Variants in DNAJC17 observed in about 807,000 individuals in gnomAD.
The protein encoded by DNAJC17 is dnaJ homolog subfamily C member 17.
DNAJC17 carries 35 observed loss-of-function variants against 48.1 expected under a neutral mutation model. The ratio of observed to expected loss-of-function variants is 0.73; its 90% CI spans 0.56 to 0.96. The LOEUF (loss-of-function observed/expected upper bound fraction) is 0.96, where lower values mean the gene tolerates loss of function less well. Among genes scored for constraint, DNAJC17 ranks in the 50% least tolerant of loss-of-function variants. The pLI, the probability that DNAJC17 is intolerant of heterozygous loss-of-function variation, is 0.00. For synonymous variants in DNAJC17, 117 were observed against 142.7 expected, an observed-to-expected ratio of 0.82 and a Z score of 1.28; for missense variants, 355 against 377.1, an observed-to-expected ratio of 0.94 and a Z score of 0.48.
Position 40,778,885 on chromosome 15 carries a change from G to A in DNAJC17, c.295+338C>T, listed in dbSNP as rs144994305. ...GAGGGTGGGGGTTGCAGTGAGCCGA[G>A]ATCATGCCACTGCGCTCCAGCCTAG... On this transcript the variant is annotated intron_variant, in intron 4 of 10. Coordinates refer to ENST00000220496, the MANE Select transcript of DNAJC17 (RefSeq NM_018163.3). Among the ~76,000 whole-genome samples the A allele has an allele frequency of 9.7e-3, 1,472 of 152,292 alleles. 28 individuals carry two copies. Among genetic ancestry groups the A allele is most frequent in the African/African-American group, 0.031 (1,304 of 41,548 alleles).
chr15:40,771,003 C>T, intron 10 of DNAJC17: 1 of 1,550,766 alleles, frequency 6.4e-7, no homozygotes, highest in African/African-American at 1.4e-5. Context: ...GGAGCAGTTT[C>T]CTAGCGAGCC....
chr15:40,772,684 C>T (rs939700952), intron 10 of DNAJC17, among the ~76,000 whole-genome samples: 2 of 152,192 alleles, frequency 1.3e-5, no homozygotes, highest in Non-Finnish European at 2.9e-5. Flanking sequence ...TGCTGAGGGG[C>T]TGTGGACACA....
At chr15:40,786,369 G>T (rs1889640963) in intron 1 of DNAJC17, among the ~76,000 whole-genome samples, 1 of 152,204 alleles carries the variant, frequency 6.6e-6, no homozygotes, top group Non-Finnish European at 1.5e-5. Flanking sequence ...AGCTCCTCCA[G>T]AAACTGACTC....
chr15:40,767,392 G>A lies in DNAJC17; in HGVS notation c.*548C>T. On this transcript the variant is annotated 3_prime_UTR_variant, in exon 11 of 11. Transcript: ENST00000220496. ...GCAGACGGGGCACCCCTGTGGAGGG[G>A]CTGCTGTGGGCCCTGACCTCCAAGC... is the stretch of plus-strand genomic sequence containing the variant. 1 of 1,554,170 alleles carries A rather than the reference G, an allele frequency of 6.4e-7. No individual in the cohort carries two copies. The highest frequency in any genetic ancestry group is 8.7e-7 in the Non-Finnish European group (1 of 1,151,524).
At chr15:40,800,124 G>A (rs1008828199) in intron 1 of DNAJC17, among the ~76,000 whole-genome samples, 3 of 152,192 alleles carry the variant, frequency 2.0e-5, no homozygotes, top group African/African-American at 4.8e-5. Context: ...CCAGCCTGGA[G>A]TGCAGTGGCA....
intron 1 of DNAJC17, among the ~76,000 whole-genome samples, chr15:40,780,926 C>A (rs1889469180): frequency 6.6e-6 from 1 of 151,920 alleles, no homozygotes; most frequent in Admixed American, 6.6e-5. Flanking sequence ...GCGGGTGGAT[C>A]ACTTGAGGTC....
At chr15:40,780,939 G>C (rs2141952742) in intron 1 of DNAJC17, among the ~76,000 whole-genome samples, 1 of 151,976 alleles carries the variant, frequency 6.6e-6, no homozygotes, top group East Asian at 1.9e-4. Flanking sequence ...TTGAGGTCAG[G>C]AGTAGGAGAC....
In DNAJC17 at chr15:40,795,595, T is replaced by C. The variant is rs547866394; in HGVS notation, c.78+11774A>G. On this transcript the variant is annotated intron_variant, in intron 1 of 10. Transcript: ENST00000220496. ...CCAGGCAGAACACTATCAAGTTTAA[T>C]TTAATAAAGGTTCAGTGTGGGCTGG... is the stretch of plus-strand genomic sequence containing the variant. 2.0e-5 allele frequency among the ~76,000 whole-genome samples: 3 copies of C among 152,186 alleles called. No homozygotes were observed. In the East Asian group the frequency reaches 5.8e-4, roughly 29 times the overall value.
chr15:40,776,559 T>C lies in DNAJC17; in HGVS notation c.364A>G (p.Arg122Gly). 1.9e-6 allele frequency: 3 copies of C among 1,614,064 alleles called. No homozygotes were observed. Among genetic ancestry groups the C allele is most frequent in the South Asian group, 1.1e-5 (1 of 91,088 alleles). Reference sequence around the variant, plus strand: ...GTGCTCACCTCTTGCTCTAGTGTCCTGGTGCTCCGGCTCTCCTCTTCCTCC... The same window carrying C: ...GTGCTCACCTCTTGCTCTAGTGTCCCGGTGCTCCGGCTCTCCTCTTCCTCC... ...SEEEEESRST[R>G]TLEQEIERLR... The change falls in exon 5 of 11, where the codon AGG becomes GGG. Residue 122 changes from arginine (R) to glycine (G), a missense_variant. Coordinates refer to ENST00000220496, the MANE Select transcript of DNAJC17 (RefSeq NM_018163.3).
rs534644057 is a variant in DNAJC17, at chr15:40,769,587, C to T, written c.793-1525G>A. 5.3e-4 allele frequency among the ~76,000 whole-genome samples: 80 copies of T among 152,246 alleles called. No individual in the cohort carries two copies. The highest frequency in any genetic ancestry group is 9.8e-4 in the Non-Finnish European group (67 of 68,034). ...CCCTCTGCCCCCCTTCCTGTTCCTG[C>T]TCGTGAGGGCCTGACAGCGGGGCTG... On this transcript the variant is annotated intron_variant, in intron 10 of 10. Coordinates refer to ENST00000220496, the MANE Select transcript of DNAJC17 (RefSeq NM_018163.3). This position sits in a 1 kb window ranked among gnomAD's most constrained non-coding sequence, Gnocchi z 4.2.
rs1888968348 is a variant in DNAJC17 at position 40,767,202 on chromosome 15, C to A, written c.*738G>T. On this transcript the variant is annotated 3_prime_UTR_variant, in exon 11 of 11. Transcript: ENST00000220496. ...GAGCTTGCTGTGTGCCCCTCCTCAC[C>A]CCCCCCATCCTGTCTCTTTGCAGTT... 1 of 1,470,444 alleles carries A rather than the reference C, an allele frequency of 6.8e-7. No homozygotes were observed. The highest frequency in any genetic ancestry group is 2.7e-5 in the East Asian group (1 of 37,510). The allele number at this position is 1,470,444 out of a possible 1,614,324, so 91.1% of individuals were successfully genotyped here.
At chr15:40,780,504 C>A (rs1596082319) in intron 1 of DNAJC17, 1 of 368,354 alleles carries the variant, frequency 2.7e-6, no homozygotes, top group African/African-American at 2.1e-5. Flanking sequence ...TCCCCATCAA[C>A]GGGGAGACTC....
chr15:40,799,743 A>C (rs1412037519), intron 1 of DNAJC17, among the ~76,000 whole-genome samples: 2 of 152,058 alleles, frequency 1.3e-5, no homozygotes, highest in African/African-American at 4.8e-5. Flanking sequence ...TCCATGTTTA[A>C]TTTTTTGAGG....
Position 40,807,433 on chromosome 15 carries a change from T to C in DNAJC17, c.14A>G (p.Lys5Arg). 6.2e-7 allele frequency: 1 copy of C among 1,614,262 alleles called. No homozygotes were observed. The highest frequency in any genetic ancestry group is 1.1e-5 in the South Asian group (1 of 91,090). The change falls in exon 1 of 11, where the codon AAG becomes AGG. Residue 5 changes from lysine to arginine, a missense_variant. Lys to Arg is a conservative substitution (Grantham distance 26). This residue lies in a region of DNAJC17 where 199 missense variants were observed against 199.9 expected (regional missense o/e 1.00). Transcript: ENST00000220496. MAVT[K>R]ELLQMDLYAL... ...GTACAGGTCCATCTGTAAGAGCTCC[T>C]TGGTCACTGCCATGGTTCCGGCCTG...
chr15:40,807,056 G>C, intron 1 of DNAJC17: 1 of 595,688 alleles, frequency 1.7e-6, no homozygotes, highest in Non-Finnish European at 2.9e-6. Context: ...CGGAAACGGA[G>C]GCCGAGACTG....
chr15:40,777,281 C>CTTT (rs1162001252), intron 4 of DNAJC17, among the ~76,000 whole-genome samples: 1 of 131,558 alleles, frequency 7.6e-6, no homozygotes, highest in East Asian at 2.2e-4. Flanking sequence ...CTCTCTCTCT[C>CTTT]TTTTTTTTTT....
chr15:40,767,813 G>C lies in DNAJC17; in HGVS notation c.*127C>G. 1 of 1,378,112 alleles carries C rather than the reference G, an allele frequency of 7.3e-7. No individual in the cohort carries two copies. The highest frequency in any genetic ancestry group is 1.5e-5 in the African/African-American group (1 of 68,214). The allele number at this position is 1,378,112 out of a possible 1,614,324, so 85.4% of individuals were successfully genotyped here. A position where few individuals can be genotyped will look rare whatever the true frequency, so the allele number is the denominator to read the frequency against. On this transcript the variant is annotated 3_prime_UTR_variant, in exon 11 of 11. Coordinates refer to ENST00000220496, the MANE Select transcript of DNAJC17 (RefSeq NM_018163.3). ...CTGGGAGGGGCGCCAGGCCTGGGTG[G>C]AGCGCTCTGCGGCAGAGCCCAGCAC...
In DNAJC17 at chr15:40,770,581, A is replaced by G. The variant is rs1463756403; in HGVS notation, c.793-2519T>C. 7 of 1,550,646 alleles carry G rather than the reference A, an allele frequency of 4.5e-6. No individual in the cohort carries two copies. Among genetic ancestry groups the G allele is most frequent in the Middle Eastern group, 1.7e-4 (1 of 5,992 alleles). On this transcript the variant is annotated intron_variant, in intron 10 of 10. Transcript: ENST00000220496. This position sits in a 1 kb window ranked among gnomAD's most constrained non-coding sequence, Gnocchi z 5.0. Reference sequence around the variant, plus strand: ...GGGCGGCCACGGCGGCTCCGGCGACAGAGTAGTGTGCTTAGCCAGGCCAGC... The same window carrying G: ...GGGCGGCCACGGCGGCTCCGGCGACGGAGTAGTGTGCTTAGCCAGGCCAGC...
chr15:40,773,682 G>A (rs773048003), intron 10 of DNAJC17, 45 bp downstream of exon 10: 3 of 1,497,564 alleles, frequency 2.0e-6, no homozygotes, highest in Non-Finnish European at 9.2e-7. Context: ...GGTAGGAAGA[G>A]CTCCGAGACC....
Sources: allele counts gnomAD v4.1 joint callset (sites outside exome capture counted in the v4.1 genomes callset), GRCh38; gene constraint gnomAD v4.1.1; regional missense constraint gnomAD v4.1.1; non-coding constraint Gnocchi (gnomAD v3.1); transcripts MANE v1.5; gene names NCBI Gene and HGNC (gene_info 2026-07-23, HGNC 2026-07-21).